FRMPD4: variants seen among roughly 807,000 people sequenced by gnomAD.
FRMPD4 encodes the protein FERM and PDZ domain-containing protein 4.
In FRMPD4, 22 loss-of-function variants were observed where a neutral mutation model predicts 94.1. That is an observed-to-expected ratio of 0.23 (90% confidence interval 0.17 to 0.33). FRMPD4 has a LOEUF of 0.33. Ranked by LOEUF, FRMPD4 falls within the 10% of genes least tolerant of loss-of-function variation. The pLI is 1.00. For missense variants in FRMPD4, 1,111 were observed against 1,339.9 expected (o/e 0.83, Z 2.67); for synonymous variants, 631 against 548.6 (o/e 1.15, Z -2.10).
At chrX:12,171,668 C>T (rs755216394) in intron 1 of FRMPD4, among the ~76,000 whole-genome samples, 1 of 111,909 alleles carries the variant, frequency 8.9e-6, no homozygotes, top group South Asian at 3.8e-4. Context: ...ACCCAGAAGC[C>T]AAAACCTGGT....
At chrX:12,690,000 C>T (rs2060064847) in intron 7 of FRMPD4, among the ~76,000 whole-genome samples, 195 bp from the exon 8 acceptor site, 1 of 112,306 alleles carries the variant, frequency 8.9e-6, no homozygotes, top group Non-Finnish European at 1.9e-5. Context: ...TCGAGGAGGC[C>T]AGGAAAAGGG....
At chrX:12,609,449 G>T (rs2059159693) in intron 2 of FRMPD4, among the ~76,000 whole-genome samples, 1 of 111,554 alleles carries the variant, frequency 9.0e-6, no homozygotes, top group African/African-American at 3.3e-5. Context: ...CCTCTTCAAG[G>T]TCATATGTGA....
chrX:12,669,783 T>G (rs1255984680), intron 4 of FRMPD4, among the ~76,000 whole-genome samples: 1 of 111,972 alleles, frequency 8.9e-6, no homozygotes, highest in Non-Finnish European at 1.9e-5. Context: ...AGCCAAGGAA[T>G]ACAGGCAGCC....
chrX:12,354,391 G>A (rs781244964), intron 1 of FRMPD4, among the ~76,000 whole-genome samples: 20 of 111,860 alleles, frequency 1.8e-4, no homozygotes, highest in South Asian at 3.7e-4. Context: ...AGATTGGCTC[G>A]CAGCTTGATG....
At chrX:12,681,450 T>G (rs1459845094) in intron 5 of FRMPD4, among the ~76,000 whole-genome samples, 3 of 112,432 alleles carry the variant, frequency 2.7e-5, no homozygotes, top group South Asian at 3.7e-4. Flanking sequence ...AAAGTCACGT[T>G]GAGCATGTTT....
chrX:12,720,039 G>GAAA (rs1379175366), intron 16 of FRMPD4, among the ~76,000 whole-genome samples: 610 of 27,781 alleles, frequency 0.022, 7 homozygotes, highest in African/African-American at 0.049. Context: ...GGAAAGGAAA[G>GAAA]GAAAGGAAAG....
intron 1 of FRMPD4, among the ~76,000 whole-genome samples, chrX:12,305,500 CT>C (rs2054921159): frequency 9.1e-6 from 1 of 110,240 alleles, no homozygotes; most frequent in South Asian, 3.9e-4. Flanking sequence ...CATAAATGTG[CT>C]GAAGTGTCCT....
chrX:12,276,499 T>A (rs989326151), intron 1 of FRMPD4, among the ~76,000 whole-genome samples: 1 of 112,393 alleles, frequency 8.9e-6, no homozygotes. Context: ...AAATAGTTAT[T>A]ATCAATAGAA....
chrX:12,573,418 G>A (rs1163458481), intron 2 of FRMPD4, among the ~76,000 whole-genome samples: 1 of 112,451 alleles, frequency 8.9e-6, no homozygotes, highest in Non-Finnish European at 1.9e-5. Context: ...GACCTATGTA[G>A]AAGGAATCTT....
At chrX:11,956,015 G>T (rs2054255420) in intron 3 of FRMPD4, among the ~76,000 whole-genome samples, 1 of 112,036 alleles carries the variant, frequency 8.9e-6, no homozygotes, top group South Asian at 3.7e-4. Context: ...GGTCATGAAG[G>T]AGGCAGAAGT....
chrX:12,708,025 T>C (rs1294664372), intron 13 of FRMPD4, among the ~76,000 whole-genome samples: 1 of 112,199 alleles, frequency 8.9e-6, no homozygotes, highest in Non-Finnish European at 1.9e-5. Flanking sequence ...CCCAACTTTC[T>C]TTAGAATTCT....
chrX:12,634,958 C>T (rs951107046), intron 4 of FRMPD4, among the ~76,000 whole-genome samples: 3 of 108,307 alleles, frequency 2.8e-5, no homozygotes, highest in African/African-American at 1.0e-4. Context: ...CTCAGCCTCC[C>T]GAGTAGCTGG....
intron 1 of FRMPD4, among the ~76,000 whole-genome samples, chrX:12,302,453 T>C (rs1403728468): frequency 8.9e-6 from 1 of 112,123 alleles, no homozygotes; most frequent in African/African-American, 3.2e-5. Context: ...GCATACAATA[T>C]CTCAATACTC....
At position 11,837,582 on chromosome X, in the gene FRMPD4, G is replaced by A. The variant is rs1161240093; in HGVS notation, c.-161+14867G>A. Among the ~76,000 whole-genome samples the A allele has an allele frequency of 7.2e-5, 8 of 111,540 alleles. No homozygotes were observed. In the Admixed American group the frequency reaches 7.6e-4, roughly 11 times the overall value. ...ATAATAGAGGGCATGATTCATGTTA[G>A]GACTGGAGGGAATCTTAGAGCTCAC... On this transcript the variant is annotated intron_variant, in intron 1 of 18. Coordinates refer to the FRMPD4 transcript ENST00000640291.
rs772531673 is a variant in FRMPD4 at position 12,040,596 on chromosome X, G to A, written c.95+162578G>A. The stretch of plus-strand genomic sequence containing the variant: ...TTTTTTGGAGATGGAGTCTCGCTCT[G>A]TCACCCAGGCTGGAGTGCAATGGTG... On this transcript the variant is annotated intron_variant, in intron 3 of 18. Coordinates refer to the FRMPD4 transcript ENST00000640291. Among the ~76,000 whole-genome samples, 6 of 75,883 alleles carry A rather than the reference G, an allele frequency of 7.9e-5. No homozygotes were observed. The South Asian group carries it at 3.2e-3, about 40-fold the overall frequency. The allele number at this position is 75,883 out of a possible 115,157, so 65.9% of individuals were successfully genotyped here.
At chrX:11,895,265 C>T (rs2053897074) in intron 3 of FRMPD4, among the ~76,000 whole-genome samples, 1 of 111,524 alleles carries the variant, frequency 9.0e-6, no homozygotes, top group Non-Finnish European at 1.9e-5. Flanking sequence ...AGTTACAACG[C>T]CATCAAGTTG....
At position 12,103,973 on chromosome X, in the gene FRMPD4, T is replaced by G. The variant is rs771148135; in HGVS notation, c.95+225955T>G. Among the ~76,000 whole-genome samples the G allele has an allele frequency of 8.0e-5, 9 of 112,018 alleles. 1 individual carries two copies. The highest frequency in any genetic ancestry group is 7.5e-5 in the Non-Finnish European group (4 of 53,210). On this transcript the variant is annotated intron_variant, in intron 3 of 18. Transcript: ENST00000640291. ...AAAAAGAAAAGACATTTATTTCTCA[T>G]GGTTCTGGAACTGGGAAGTCCAAGA... is the stretch of plus-strand genomic sequence containing the variant.
chrX:11,934,918 C>G (rs1374923618), intron 3 of FRMPD4, among the ~76,000 whole-genome samples: 1 of 111,294 alleles, frequency 9.0e-6, no homozygotes, highest in African/African-American at 3.3e-5. Flanking sequence ...GGATCTTCAC[C>G]ATATTATGTG....
At chrX:11,902,337 C>T (rs1243304522) in intron 3 of FRMPD4, among the ~76,000 whole-genome samples, 1 of 111,276 alleles carries the variant, frequency 9.0e-6, no homozygotes, top group Admixed American at 9.6e-5. Flanking sequence ...GATCAAGGCA[C>T]CAGCAGATTT....
Sources: allele counts gnomAD v4.1 joint callset (sites outside exome capture counted in the v4.1 genomes callset), GRCh38; gene constraint gnomAD v4.1.1; transcripts MANE v1.5; gene names NCBI Gene and HGNC (gene_info 2026-07-23, HGNC 2026-07-21).